The following MON2 variants were observed in gnomAD, a reference collection of about 807,000 sequenced individuals.
The protein encoded by MON2 is protein MON2 homolog.
In MON2, 84 loss-of-function variants were observed where a neutral mutation model predicts 208.6. The ratio of observed to expected loss-of-function variants is 0.40; its 90% CI spans 0.34 to 0.48. MON2 has a LOEUF of 0.48. MON2 is among the 20% of genes least tolerant of loss of function. MON2 has a pLI of 0.59. For synonymous variants in MON2, 660 were observed against 694.0 expected (o/e 0.95, Z 0.77); for missense variants, 1,611 against 2,015.4 (o/e 0.80, Z 3.84).
rs2075581427 is a variant in MON2, at chr12:62,599,139, G to C, written c.*6390G>C. The C allele has an allele frequency of 1.3e-5, 2 of 152,100 alleles. No homozygotes were observed. Among genetic ancestry groups the C allele is most frequent in the African/African-American group, 4.8e-5 (2 of 41,446 alleles). 9.4% of individuals were successfully genotyped at this position (152,100 alleles called of 1,614,324 possible). On this transcript the variant is annotated 3_prime_UTR_variant, in exon 35 of 35. Coordinates refer to ENST00000393630, the MANE Select transcript of MON2 (RefSeq NM_015026.3). Reference sequence around the variant, plus strand: ...GGGAAAAAAAAAATTATAGAGTAAAGGGGAAATGTTCTTGAGAGCTTTATT... The same window carrying C: ...GGGAAAAAAAAAATTATAGAGTAAACGGGAAATGTTCTTGAGAGCTTTATT...
intron 8 of MON2, among the ~76,000 whole-genome samples, chr12:62,521,043 T>C (rs1240291808): frequency 1.3e-5 from 2 of 151,884 alleles, no homozygotes; most frequent in Non-Finnish European, 2.9e-5. Context: ...TTCACTCTCA[T>C]TGCCCAGGTT....
At chr12:62,476,898 A>G (rs1592810133) in intron 1 of MON2, among the ~76,000 whole-genome samples, 2 of 152,170 alleles carry the variant, frequency 1.3e-5, no homozygotes, top group Admixed American at 6.6e-5. Context: ...AAGCTTATGC[A>G]TATAATCCTG....
rs571319972 is a variant in MON2 at position 62,557,797 on chromosome 12, A to AT, written c.3409+1611dup. 2.6e-3 allele frequency among the ~76,000 whole-genome samples: 390 copies of AT among 150,010 alleles called. 3 individuals carry two copies. Among genetic ancestry groups the AT allele is most frequent in the African/African-American group, 9.0e-3 (367 of 40,772 alleles). On this transcript the variant is annotated intron_variant, in intron 25 of 34. Transcript: ENST00000393630. ...GGTATATGTATTTTTAAATATTGGG[A>AT]TTTTTTCATATAAAATTTACGTACA...
chr12:62,599,080 G>A lies in MON2; in HGVS notation c.*6331G>A, dbSNP rs954994624. Reference sequence around the variant, plus strand: ...CACTTACTCTGTTTAAAGACTTTACGAGTAGTGAGTCACATGTTTAGGATG... The same window carrying A: ...CACTTACTCTGTTTAAAGACTTTACAAGTAGTGAGTCACATGTTTAGGATG... On this transcript the variant is annotated 3_prime_UTR_variant, in exon 35 of 35. Coordinates refer to ENST00000393630, the MANE Select transcript of MON2 (RefSeq NM_015026.3). 6.6e-6 allele frequency: 1 copy of A among 151,648 alleles called. No homozygotes were observed. The highest frequency in any genetic ancestry group is 1.5e-5 in the Non-Finnish European group (1 of 67,940). The allele number at this position is 151,648 out of a possible 1,614,324, so 9.4% of individuals were successfully genotyped here.
intron 12 of MON2, 49 bp from the exon 13 acceptor site, chr12:62,534,796 T>C (rs1472310148): frequency 1.5e-6 from 2 of 1,334,972 alleles, no homozygotes; most frequent in Admixed American, 1.7e-5. Context: ...TAATACATAT[T>C]GTGCTATCTA....
At chr12:62,499,475 A>C (rs2070719508) in intron 5 of MON2, among the ~76,000 whole-genome samples, 1 of 152,166 alleles carries the variant, frequency 6.6e-6, no homozygotes, top group Admixed American at 6.5e-5. Flanking sequence ...TTTCCTACGT[A>C]TCTTTTTGAA....
rs199973736 is a variant in MON2 at position 62,561,054 on chromosome 12, G to A, written c.3973G>A (p.Glu1325Lys). 10 of 1,612,940 alleles carry A rather than the reference G, an allele frequency of 6.2e-6. No homozygotes were observed. Among genetic ancestry groups the A allele is most frequent in the East Asian group, 2.2e-5 (1 of 44,856 alleles). The change falls in exon 26 of 35, where the codon GAA becomes AAA. Residue 1325 changes from glutamate (E) to lysine (K), a missense_variant. Transcript: ENST00000393630. ...CCCTTTTATTCTTCCATCTTATACC[G>A]AAGCAGTTTTGACAAGTTTACAGGA... ...ASPFILPSYT[E>K]AVLTSLQEAV...
intron 8 of MON2, among the ~76,000 whole-genome samples, chr12:62,517,209 C>T (rs1216208884): frequency 2.0e-5 from 3 of 152,174 alleles, no homozygotes; most frequent in Admixed American, 6.5e-5. Context: ...TAAGTTAAGA[C>T]TATAGGAAGA....
intron 34 of MON2, among the ~76,000 whole-genome samples, chr12:62,592,336 C>T (rs751068125): frequency 6.6e-6 from 1 of 152,082 alleles, no homozygotes; most frequent in Non-Finnish European, 1.5e-5. Flanking sequence ...AATTGAAATA[C>T]CATTTAAAAT....
chr12:62,544,315 A>G (rs2073380706), intron 20 of MON2, among the ~76,000 whole-genome samples: 1 of 152,012 alleles, frequency 6.6e-6, no homozygotes, highest in African/African-American at 2.4e-5. Context: ...GCTTGGTGGT[A>G]TATGCTTGTG....
rs2074340098 is a variant in MON2 at position 62,565,336 on chromosome 12, G to T, written c.4132G>T (p.Gly1378Ter). The change falls in exon 27 of 35, where the codon GGA becomes TGA. Residue 1378 changes from glycine to a stop codon, truncating the protein, a stop_gained. Coordinates refer to ENST00000393630, the MANE Select transcript of MON2 (RefSeq NM_015026.3). LOFTEE classifies it high-confidence loss of function. ...VEFSCKPPQY[G>*]QLETKHIANA... ...ATTTTCCTGTAAACCTCCACAGTAT[G>T]GACAGCTGGAAACAAAGCACATTGC... 1 of 1,611,508 alleles carries T rather than the reference G, an allele frequency of 6.2e-7. No homozygotes were observed. Among genetic ancestry groups the T allele is most frequent in the Non-Finnish European group, 8.5e-7 (1 of 1,178,626 alleles).
chr12:62,595,714 T>G lies in MON2; in HGVS notation c.*2965T>G, dbSNP rs1565727985. 6.6e-6 allele frequency: 1 copy of G among 152,250 alleles called. No homozygotes were observed. The highest frequency in any genetic ancestry group is 1.5e-5 in the Non-Finnish European group (1 of 68,046). 9.4% of individuals were successfully genotyped at this position (152,250 alleles called of 1,614,324 possible). A position where few individuals can be genotyped will look rare whatever the true frequency, so the allele number is the denominator to read the frequency against. Reference sequence around the variant, plus strand: ...TTTCTTTATAACTAGTGTTAAGGTTTTGTTAATTTTATTGTATACATTTGT... The same window carrying G: ...TTTCTTTATAACTAGTGTTAAGGTTGTGTTAATTTTATTGTATACATTTGT... On this transcript the variant is annotated 3_prime_UTR_variant, in exon 35 of 35. Transcript: ENST00000393630.
intron 19 of MON2, among the ~76,000 whole-genome samples, chr12:62,541,249 T>A (rs1224926366): frequency 1.3e-5 from 2 of 151,962 alleles, no homozygotes; most frequent in Non-Finnish European, 2.9e-5. Context: ...GGCATGGTGG[T>A]GCACACCTAT....
intron 8 of MON2, among the ~76,000 whole-genome samples, chr12:62,520,714 C>T (rs2071982816): frequency 6.6e-6 from 1 of 151,760 alleles, no homozygotes; most frequent in South Asian, 2.1e-4. Flanking sequence ...CACCTGAGGT[C>T]AGGAGTTTGA....
intron 11 of MON2, among the ~76,000 whole-genome samples, chr12:62,529,664 A>G (rs549068482): frequency 2.6e-5 from 4 of 152,226 alleles, no homozygotes; most frequent in African/African-American, 9.6e-5. Context: ...AATTCCAGAA[A>G]GTTTTCATCA....
chr12:62,525,716 G>T (rs576734926), intron 10 of MON2, among the ~76,000 whole-genome samples: 153 of 152,232 alleles, frequency 1.0e-3, no homozygotes, highest in African/African-American at 3.4e-3. Flanking sequence ...ACATTTATCA[G>T]CATTTTTACT....
chr12:62,510,562 A>G (rs1208882520), intron 8 of MON2, among the ~76,000 whole-genome samples: 1 of 152,222 alleles, frequency 6.6e-6, no homozygotes, highest in Non-Finnish European at 1.5e-5. Context: ...TGATGCAGAA[A>G]AAGTATTTGG....
intron 19 of MON2, among the ~76,000 whole-genome samples, chr12:62,540,271 ATAGT>A (rs542614112): frequency 9.7e-4 from 148 of 152,300 alleles, no homozygotes; most frequent in African/African-American, 3.4e-3. Flanking sequence ...TACTTGGTTC[ATAGT>A]TAGTGACAAT....
chr12:62,556,971 G>T (rs1013857782), intron 25 of MON2, among the ~76,000 whole-genome samples: 1 of 152,116 alleles, frequency 6.6e-6, no homozygotes, highest in Non-Finnish European at 1.5e-5. Context: ...TGCAATCCCA[G>T]CTACTTGGGA....
Sources: gnomAD v4.1 joint callset for allele counts (sites outside exome capture counted in the v4.1 genomes callset) on GRCh38, gnomAD v4.1.1 for gene constraint, MANE v1.5 for transcripts, NCBI Gene and HGNC (gene_info 2026-07-23, HGNC 2026-07-21) for gene names.